NCKAP1: variants seen among roughly 807,000 people sequenced by gnomAD.
NCKAP1 encodes the protein NCK associated protein 1.
In NCKAP1, 21 loss-of-function variants were observed where a neutral mutation model predicts 151.2. That is an observed-to-expected ratio of 0.14 (90% CI 0.10 to 0.20). NCKAP1 has a LOEUF of 0.20. Ranked by LOEUF, NCKAP1 falls within the 10% of genes least tolerant of loss-of-function variation. The probability of loss-of-function intolerance (pLI) is 1.00; values close to 1 mark genes in which losing one functional copy is unlikely to be tolerated. For synonymous variants in NCKAP1, 484 were observed against 451.8 expected (o/e 1.07, Z -0.90); for missense variants, 933 against 1,352.1 (o/e 0.69, Z 4.86).
intron 17 of NCKAP1, among the ~76,000 whole-genome samples, chr2:182,963,921 A>C (rs1304217866): frequency 1.3e-5 from 2 of 152,126 alleles, no homozygotes; most frequent in Non-Finnish European, 2.9e-5. Context: ...GAATACTGGC[A>C]TACAATCTGC....
rs1696505657 is a variant in NCKAP1 at position 182,918,782 on chromosome 2, A to G, written c.*6920T>C. 1 of 152,180 alleles carries G rather than the reference A, an allele frequency of 6.6e-6. No homozygotes were observed. Among genetic ancestry groups the G allele is most frequent in the African/African-American group, 2.4e-5 (1 of 41,442 alleles). 9.4% of individuals were successfully genotyped at this position (152,180 alleles called of 1,614,324 possible). Reference sequence around the variant, plus strand: ...TACACTAAAACCTCAGACTTCACCAATGTATGATTCATCCATGTAAACAAA... The same window carrying G: ...TACACTAAAACCTCAGACTTCACCAGTGTATGATTCATCCATGTAAACAAA... On this transcript the variant is annotated 3_prime_UTR_variant, in exon 31 of 31. Coordinates refer to ENST00000361354, the MANE Select transcript of NCKAP1 (RefSeq NM_013436.5).
chr2:182,957,672 A>G, intron 18 of NCKAP1, 76 bp from the exon 19 acceptor site: 1 of 1,428,610 alleles, frequency 7.0e-7, no homozygotes, highest in South Asian at 1.3e-5. Flanking sequence ...AGCAAACAGT[A>G]GCTGAATCCA....
chr2:182,963,614 T>C (rs938425290), intron 17 of NCKAP1, among the ~76,000 whole-genome samples: 6 of 152,014 alleles, frequency 3.9e-5, no homozygotes, highest in African/African-American at 1.4e-4. Flanking sequence ...GTATCGTAAA[T>C]CTGAACTGTA....
At position 182,923,072 on chromosome 2, in the gene NCKAP1, G is replaced by A. The variant is rs1326516072; in HGVS notation, c.*2630C>T. On this transcript the variant is annotated 3_prime_UTR_variant, in exon 31 of 31. Coordinates refer to ENST00000361354, the MANE Select transcript of NCKAP1 (RefSeq NM_013436.5). ...AAAATCCAAGCTCAACTATAAAAGGGTCACCTTTTTGCTCACCATTACATG... is the reference window on the plus strand; with the variant it reads ...AAAATCCAAGCTCAACTATAAAAGGATCACCTTTTTGCTCACCATTACATG... 1 of 152,032 alleles carries A rather than the reference G, an allele frequency of 6.6e-6. No homozygotes were observed. Among genetic ancestry groups the A allele is most frequent in the African/African-American group, 2.4e-5 (1 of 41,382 alleles). The allele number at this position is 152,032 out of a possible 1,614,324, so 9.4% of individuals were successfully genotyped here.
In NCKAP1 at chr2:182,911,621, A is replaced by G. The variant is rs1220907278; in HGVS notation, c.*14081T>C. The G allele has an allele frequency of 6.6e-6, 1 of 152,184 alleles. No individual in the cohort carries two copies. The highest frequency in any genetic ancestry group is 2.4e-5 in the African/African-American group (1 of 41,456). The allele number at this position is 152,184 out of a possible 1,614,324, so 9.4% of individuals were successfully genotyped here. ...TGAATGGCCATCATAATGATTTGAA[A>G]CTAGCAAAGTTATCAGTTAGGTTTG... On this transcript the variant is annotated 3_prime_UTR_variant, in exon 31 of 31. Transcript: ENST00000361354.
At position 182,978,339 on chromosome 2, in the gene NCKAP1, G is replaced by A. The variant is rs538689243; in HGVS notation, c.1423+495C>T. Reference sequence around the variant, plus strand: ...ATCAATTTTTGAGATTGACAGATTTGAGCTCAAATTCCTACTTTTGCTTAA... The same window carrying A: ...ATCAATTTTTGAGATTGACAGATTTAAGCTCAAATTCCTACTTTTGCTTAA... On this transcript the variant is annotated intron_variant, in intron 14 of 30. Coordinates refer to ENST00000361354, the MANE Select transcript of NCKAP1 (RefSeq NM_013436.5). Among the ~76,000 whole-genome samples the A allele has an allele frequency of 5.3e-5, 8 of 152,254 alleles. No individual in the cohort carries two copies. In the South Asian group the frequency reaches 1.7e-3, roughly 32 times the overall value.
chr2:183,008,472 T>C (rs967941314), intron 2 of NCKAP1, among the ~76,000 whole-genome samples: 7 of 152,210 alleles, frequency 4.6e-5, no homozygotes, highest in African/African-American at 1.7e-4. Context: ...AGCCCTTGTC[T>C]ATCTCTAAGA....
intron 1 of NCKAP1, among the ~76,000 whole-genome samples, chr2:183,032,080 T>C (rs1699014411): frequency 6.6e-6 from 1 of 152,176 alleles, no homozygotes; most frequent in East Asian, 1.9e-4. Flanking sequence ...CAAGTTAAGT[T>C]TGGGTCAGGA....
At chr2:182,975,937 A>T (rs1697813620) in intron 15 of NCKAP1, among the ~76,000 whole-genome samples, 1 of 152,122 alleles carries the variant, frequency 6.6e-6, no homozygotes. Flanking sequence ...ATATTTTTTT[A>T]AAAAGACAAA....
intron 24 of NCKAP1, among the ~76,000 whole-genome samples, chr2:182,936,036 T>C (rs905450069): frequency 6.6e-6 from 1 of 152,018 alleles, no homozygotes; most frequent in Non-Finnish European, 1.5e-5. Context: ...CCGGGAAGAT[T>C]GCTTGAGCCC....
chr2:182,911,899 A>G lies in NCKAP1; in HGVS notation c.*13803T>C, dbSNP rs1239793614. On this transcript the variant is annotated 3_prime_UTR_variant, in exon 31 of 31. Coordinates refer to ENST00000361354, the MANE Select transcript of NCKAP1 (RefSeq NM_013436.5). ...ACTGCATTTCTGGTAGGCCTTTCTG[A>G]TAGGTCACTTGAGAATGACTTTTGC... 1 of 152,228 alleles carries G rather than the reference A, an allele frequency of 6.6e-6. No individual in the cohort carries two copies. Among genetic ancestry groups the G allele is most frequent in the Admixed American group, 6.5e-5 (1 of 15,274 alleles). 9.4% of individuals were successfully genotyped at this position (152,228 alleles called of 1,614,324 possible).
chr2:183,035,566 T>C (rs1309006057), intron 1 of NCKAP1, among the ~76,000 whole-genome samples: 1 of 151,716 alleles, frequency 6.6e-6, no homozygotes, highest in Non-Finnish European at 1.5e-5. Context: ...TTGAAAAGAG[T>C]ATGTGGTTTA....
rs372466196 is a variant in NCKAP1, at chr2:182,964,697, C to T, written c.1740G>A (p.Thr580=). ...PLLCTHFMSC[T]HELCPEERHH... ...TTACCTCTTCTGGACATAGTTCATG[C>T]GTGCAACTCATAAAATGAGTGCAAA... is the stretch of plus-strand genomic sequence containing the variant. The change falls in exon 17 of 31, where the codon ACG becomes ACA. Residue 580 remains threonine (T), a synonymous_variant. Transcript: ENST00000361354. The T allele has an allele frequency of 2.7e-5, 44 of 1,601,688 alleles. No individual in the cohort carries two copies. The highest frequency in any genetic ancestry group is 4.5e-5 in the South Asian group (4 of 89,126).
At chr2:182,937,838 G>A (rs1369451726) in intron 24 of NCKAP1, among the ~76,000 whole-genome samples, 1 of 152,110 alleles carries the variant, frequency 6.6e-6, no homozygotes, top group Non-Finnish European at 1.5e-5. Flanking sequence ...ATGGATAGAT[G>A]GTGAGAGAGG....
At chr2:182,942,226 A>T in intron 23 of NCKAP1, 63 bp from the exon 24 acceptor site, 1 of 1,240,860 alleles carries the variant, frequency 8.1e-7, no homozygotes, top group South Asian at 1.3e-5. Context: ...AGATAAGAGC[A>T]TGCTTGGAAA....
At position 182,915,670 on chromosome 2, in the gene NCKAP1, A is replaced by C. The variant is rs1696455540; in HGVS notation, c.*10032T>G. ...CATGATGACATGAGATCATCAGACC[A>C]GCTTGACTATAGGAGGCATTTCTGT... On this transcript the variant is annotated 3_prime_UTR_variant, in exon 31 of 31. Coordinates refer to ENST00000361354, the MANE Select transcript of NCKAP1 (RefSeq NM_013436.5). 1 of 152,204 alleles carries C rather than the reference A, an allele frequency of 6.6e-6. No individual in the cohort carries two copies. Among genetic ancestry groups the C allele is most frequent in the Non-Finnish European group, 1.5e-5 (1 of 68,052 alleles). The allele number at this position is 152,204 out of a possible 1,614,324, so 9.4% of individuals were successfully genotyped here.
intron 2 of NCKAP1, among the ~76,000 whole-genome samples, chr2:183,008,871 A>G (rs1698532631): frequency 6.6e-6 from 1 of 152,226 alleles, no homozygotes; most frequent in Admixed American, 6.5e-5. Flanking sequence ...ATAGAGACTG[A>G]CATATGCATA....
rs1696421952 is a variant in NCKAP1, at chr2:182,913,207, G to A, written c.*12495C>T. Reference sequence around the variant, plus strand: ...GTTCATGTACATGCCAAGCATTTAGGACACTATGTCCTGTGTATTTATTGA... The same window carrying A: ...GTTCATGTACATGCCAAGCATTTAGAACACTATGTCCTGTGTATTTATTGA... On this transcript the variant is annotated 3_prime_UTR_variant, in exon 31 of 31. Coordinates refer to ENST00000361354, the MANE Select transcript of NCKAP1 (RefSeq NM_013436.5). 1 of 152,138 alleles carries A rather than the reference G, an allele frequency of 6.6e-6. No individual in the cohort carries two copies. The highest frequency in any genetic ancestry group is 6.5e-5 in the Admixed American group (1 of 15,286). 9.4% of individuals were successfully genotyped at this position (152,138 alleles called of 1,614,324 possible). A position where few individuals can be genotyped will look rare whatever the true frequency, so the allele number is the denominator to read the frequency against.
intron 26 of NCKAP1, 70 bp from the exon 27 acceptor site, chr2:182,930,858 TAG>T (rs1227147056): frequency 7.4e-7 from 1 of 1,349,334 alleles, no homozygotes; most frequent in East Asian, 2.4e-5. Context: ...CACTGTTTAT[TAG>T]AGTCTGCCTA....
Sources: gnomAD v4.1 joint callset for allele counts (sites outside exome capture counted in the v4.1 genomes callset) on GRCh38, gnomAD v4.1.1 for gene constraint, MANE v1.5 for transcripts, NCBI Gene and HGNC (gene_info 2026-07-23, HGNC 2026-07-21) for gene names.